The following TATDN1 variants were observed in gnomAD, a reference collection of about 807,000 sequenced individuals.
TATDN1 encodes the protein deoxyribonuclease TATDN1.
TATDN1 carries 40 observed loss-of-function variants against 46.4 expected under a neutral mutation model. That is an observed-to-expected ratio of 0.86 (90% CI 0.67 to 1.12). The LOEUF (loss-of-function observed/expected upper bound fraction) is 1.12, where lower values mean the gene tolerates loss of function less well. Ranked by LOEUF, TATDN1 falls within the 50% of genes most tolerant of loss-of-function variation. The pLI, the probability that TATDN1 is intolerant of heterozygous loss-of-function variation, is 0.00. For missense variants in TATDN1, 326 were observed against 348.4 expected (o/e 0.94, Z 0.51); for synonymous variants, 95 against 105.6 (o/e 0.90, Z 0.62).
chr8:124,518,057 A>G (rs1019570823), intron 4 of TATDN1, among the ~76,000 whole-genome samples: 5 of 151,358 alleles, frequency 3.3e-5, no homozygotes, highest in African/African-American at 1.2e-4. Context: ...CTAAAAATAC[A>G]AAAAATTAGC....
At chr8:124,493,774 A>AT in intron 11 of TATDN1, 59 bp downstream of exon 11, 1 of 1,533,788 alleles carries the variant, frequency 6.5e-7, no homozygotes, top group Non-Finnish European at 8.7e-7. Context: ...CGTTAATTTT[A>AT]TAAGTGGCAT....
intron 8 of TATDN1, among the ~76,000 whole-genome samples, chr8:124,505,401 C>CAA (rs919403708): frequency 6.6e-6 from 1 of 150,870 alleles, no homozygotes; most frequent in Non-Finnish European, 1.5e-5. Context: ...AAAAACAAAA[C>CAA]AAAAAAAGAG....
intron 11 of TATDN1, chr8:124,488,937 GC>G (rs1354681559): frequency 2.3e-6 from 1 of 435,672 alleles, no homozygotes; most frequent in African/African-American, 2.1e-5. Context: ...AATTATTAAA[GC>G]AGCCATCTGT....
At chr8:124,518,722 C>A in intron 4 of TATDN1, 96 bp downstream of exon 4, 1 of 843,958 alleles carries the variant, frequency 1.2e-6, no homozygotes, top group South Asian at 1.5e-5. Context: ...TGTTTCCAGT[C>A]ATGATCCATT....
At chr8:124,536,162 C>G (rs966162315) in intron 1 of TATDN1, among the ~76,000 whole-genome samples, 1 of 152,132 alleles carries the variant, frequency 6.6e-6, no homozygotes, top group Non-Finnish European at 1.5e-5. Context: ...ATAATAGTTA[C>G]AGGTAGAAGT....
Position 124,515,991 on chromosome 8 carries a change from C to A in TATDN1, c.242G>T (p.Cys81Phe). ...AGGGTTATTCTTTTCAAATTCACCACATCTTGTAGGATGACATCCAACTGT... is the reference window on the plus strand; with the variant it reads ...AGGGTTATTCTTTTCAAATTCACCAAATCTTGTAGGATGACATCCAACTGT... ...FSTVGCHPTR[C>F]GEFEKNNPDL... Residue 81 changes from cysteine (C) to phenylalanine (F), a missense_variant, in exon 5 of 12, where the codon TGT becomes TTT. Coordinates refer to ENST00000276692, the MANE Select transcript of TATDN1 (RefSeq NM_032026.4). 6.2e-7 allele frequency: 1 copy of A among 1,613,744 alleles called. No homozygotes were observed. Among genetic ancestry groups the A allele is most frequent in the Non-Finnish European group, 8.5e-7 (1 of 1,179,906 alleles).
intron 1 of TATDN1, among the ~76,000 whole-genome samples, chr8:124,530,689 A>C (rs1820877032): frequency 6.6e-6 from 1 of 152,252 alleles, no homozygotes; most frequent in Non-Finnish European, 1.5e-5. Flanking sequence ...AGTTCTGATA[A>C]AGACAAGAAG....
At chr8:124,531,462 A>T (rs573803145) in intron 1 of TATDN1, among the ~76,000 whole-genome samples, 6 of 152,304 alleles carry the variant, frequency 3.9e-5, no homozygotes, top group Non-Finnish European at 7.3e-5. Context: ...GGGCAGATTT[A>T]AAAAACTTGT....
chr8:124,488,956 TCAC>T, intron 11 of TATDN1: 1 of 393,402 alleles, frequency 2.5e-6, no homozygotes, highest in Non-Finnish European at 4.6e-6. Flanking sequence ...TGTATTATGT[TCAC>T]CAATTATAGC....
At chr8:124,490,776 TTACACTGTGGC>T (rs1816924541) in intron 11 of TATDN1, among the ~76,000 whole-genome samples, 1 of 151,592 alleles carries the variant, frequency 6.6e-6, no homozygotes, top group African/African-American at 2.4e-5. Flanking sequence ...TGAGAGAGTC[TTACACTGTGGC>T]CCAAGCTGGA....
At chr8:124,536,482 T>G (rs1416920481) in intron 1 of TATDN1, among the ~76,000 whole-genome samples, 1 of 152,130 alleles carries the variant, frequency 6.6e-6, no homozygotes, top group Non-Finnish European at 1.5e-5. Flanking sequence ...AGGAGGTCAA[T>G]GCTGGAGCCA....
chr8:124,502,957 A>G (rs1368421887), intron 9 of TATDN1, among the ~76,000 whole-genome samples: 1 of 152,122 alleles, frequency 6.6e-6, no homozygotes, highest in Non-Finnish European at 1.5e-5. Flanking sequence ...AGTTGTGATC[A>G]CGCCACTGCA....
intron 6 of TATDN1, among the ~76,000 whole-genome samples, chr8:124,509,761 G>A (rs903303850): frequency 5.9e-5 from 9 of 152,098 alleles, no homozygotes; most frequent in African/African-American, 2.2e-4. Context: ...TCTTCAGGCC[G>A]GGCGTGGTGG....
intron 1 of TATDN1, among the ~76,000 whole-genome samples, chr8:124,537,302 A>C (rs1821530349): frequency 6.6e-6 from 1 of 152,200 alleles, no homozygotes; most frequent in Non-Finnish European, 1.5e-5. Flanking sequence ...ATAAGTTTTA[A>C]GGAGTGAGTA....
rs747603252 is a variant in TATDN1 at position 124,522,939 on chromosome 8, T to C, written c.86A>G (p.Gln29Arg). 3.7e-6 allele frequency: 6 copies of C among 1,612,528 alleles called. No individual in the cohort carries two copies. In the African/African-American group the frequency reaches 8.0e-5, roughly 22 times the overall value. The change falls in exon 2 of 12, where the codon CAA becomes CGA. Residue 29 changes from glutamine (Q) to arginine (R), a missense_variant and splice_region_variant. Coordinates refer to ENST00000276692, the MANE Select transcript of TATDN1 (RefSeq NM_032026.4). ...GCCTTAATAAAGGAAATATTTACCT[T>C]GATGCTTTTGAACCCCCCTATAAAT... ...RGIYRGVQKH[Q>R]DDLQDVIGRA...
chr8:124,493,818 A>G lies in TATDN1; in HGVS notation c.791+15T>C. Reference sequence around the variant, plus strand: ...TAACTAATGATTTTGAAGACCATGAAAGCAAAATACTCACATTATATGGCA... The same window carrying G: ...TAACTAATGATTTTGAAGACCATGAGAGCAAAATACTCACATTATATGGCA... On this transcript the variant is annotated intron_variant, in intron 11 of 11. Transcript: ENST00000276692. The G allele has an allele frequency of 6.3e-7, 1 of 1,586,522 alleles. No homozygotes were observed. Among genetic ancestry groups the G allele is most frequent in the Non-Finnish European group, 8.5e-7 (1 of 1,171,584 alleles).
At chr8:124,513,520 CCTCT>C (rs1245910366) in intron 6 of TATDN1, among the ~76,000 whole-genome samples, 2 of 152,192 alleles carry the variant, frequency 1.3e-5, no homozygotes, top group Non-Finnish European at 2.9e-5. Flanking sequence ...GTAGTTTGAA[CCTCT>C]CTATTAGCAA....
intron 6 of TATDN1, among the ~76,000 whole-genome samples, chr8:124,514,673 A>G (rs1426458336): frequency 6.6e-6 from 1 of 152,218 alleles, no homozygotes; most frequent in East Asian, 1.9e-4. Context: ...ATTCAACAAA[A>G]TGCTTACGTT....
intron 3 of TATDN1, among the ~76,000 whole-genome samples, chr8:124,521,276 A>G (rs1820022350): frequency 6.6e-6 from 1 of 152,188 alleles, no homozygotes. Context: ...TCAGTTTGGA[A>G]CCATGTCCAA....
Sources: gnomAD v4.1 joint callset for allele counts (sites outside exome capture counted in the v4.1 genomes callset) on GRCh38, gnomAD v4.1.1 for gene constraint, MANE v1.5 for transcripts, NCBI Gene and HGNC (gene_info 2026-07-23, HGNC 2026-07-21) for gene names.